Variants in GPR137B observed in about 807,000 individuals in gnomAD.
GPR137B encodes G protein-coupled receptor 137B, also known as integral membrane protein GPR137B.
Under a neutral mutation model 42.5 loss-of-function variants are expected in GPR137B, and 42 were observed. That is an observed-to-expected ratio of 0.99 (90% CI 0.77 to 1.28). The LOEUF (loss-of-function observed/expected upper bound fraction) is 1.28. GPR137B is among the 50% of genes most tolerant of loss of function. The pLI is 0.00. For synonymous variants in GPR137B, 218 were observed against 209.7 expected (o/e 1.04, Z -0.34); for missense variants, 487 against 493.9 (o/e 0.99, Z 0.13).
intron 6 of GPR137B, among the ~76,000 whole-genome samples, chr1:236,206,166 C>T (rs899653142): frequency 2.0e-5 from 3 of 152,178 alleles, no homozygotes; most frequent in African/African-American, 7.2e-5. Flanking sequence ...CTGTATCAGA[C>T]ACTGTTCTAA....
Position 236,155,819 on chromosome 1 carries a change from A to G in GPR137B, c.414+12783A>G, listed in dbSNP as rs1239741587. On this transcript the variant is annotated intron_variant, in intron 1 of 6. Transcript: ENST00000366592. The surrounding 1 kb of genome is among the most constrained non-coding windows in gnomAD (Gnocchi z 4.6). ...CAGTGAGTGGAGATGCCCTTTATCTATAAAGGTAAAGACTGTTATCCCATT... is the reference window on the plus strand; with the variant it reads ...CAGTGAGTGGAGATGCCCTTTATCTGTAAAGGTAAAGACTGTTATCCCATT... Among the ~76,000 whole-genome samples, 6 of 152,324 alleles carry G rather than the reference A, an allele frequency of 3.9e-5. No homozygotes were observed. The highest frequency in any genetic ancestry group is 4.1e-4 in the South Asian group (2 of 4,830).
intron 2 of GPR137B, among the ~76,000 whole-genome samples, chr1:236,169,145 C>G (rs1662449239): frequency 6.6e-6 from 1 of 151,838 alleles, no homozygotes; most frequent in South Asian, 2.1e-4. Flanking sequence ...GCTTCCCCTT[C>G]CCCATCCCGC....
At chr1:236,149,819 G>A (rs1473970951) in intron 1 of GPR137B, among the ~76,000 whole-genome samples, 1 of 152,282 alleles carries the variant, frequency 6.6e-6, no homozygotes, top group East Asian at 1.9e-4. Context: ...CTCATGGCCA[G>A]CCAGAGTTGT....
chr1:236,168,843 C>G (rs1168532517), intron 2 of GPR137B, 88 bp downstream of exon 2: 2 of 996,704 alleles, frequency 2.0e-6, no homozygotes, highest in South Asian at 2.6e-5. Context: ...TTGCACACAT[C>G]GCTGTTCTGT....
chr1:236,146,566 C>A (rs572618208), intron 1 of GPR137B, among the ~76,000 whole-genome samples: 71 of 152,294 alleles, frequency 4.7e-4, no homozygotes, highest in Non-Finnish European at 8.5e-4. Context: ...GGTACTGTTA[C>A]CCCCCAACTG....
intron 5 of GPR137B, among the ~76,000 whole-genome samples, chr1:236,198,065 A>G (rs1490415076): frequency 2.0e-5 from 3 of 152,030 alleles, no homozygotes; most frequent in African/African-American, 7.2e-5. Flanking sequence ...TTTGGTAACT[A>G]TAGCCTTGTA....
rs558391489 is a variant in GPR137B, at chr1:236,153,971, C to G, written c.414+10935C>G. Among the ~76,000 whole-genome samples the G allele has an allele frequency of 5.9e-5, 9 of 152,304 alleles. No homozygotes were observed. In the South Asian group the frequency reaches 1.7e-3, roughly 28 times the overall value. On this transcript the variant is annotated intron_variant, in intron 1 of 6. Transcript: ENST00000366592. ...GGGAACTTCTTGGTGGAAGTCGTCA[C>G]CTGTGACTTGGGCTGTTGGGTTTCC... is the stretch of plus-strand genomic sequence containing the variant.
chr1:236,190,148 C>CTTCGT (rs61093509), intron 5 of GPR137B, among the ~76,000 whole-genome samples: 1 of 119,400 alleles, frequency 8.4e-6, no homozygotes. Context: ...CCTGCTTCTT[C>CTTCGT]TTTTTTTTTT....
At chr1:236,179,722 G>A (rs1662809799) in intron 3 of GPR137B, among the ~76,000 whole-genome samples, 157 bp from the exon 4 acceptor site, 1 of 152,208 alleles carries the variant, frequency 6.6e-6, no homozygotes, top group Non-Finnish European at 1.5e-5. Context: ...ATTGTAGGAA[G>A]AAGGAGTGTG....
chr1:236,155,815 A>G lies in GPR137B; in HGVS notation c.414+12779A>G, dbSNP rs962163721. ...GGGACAGTGAGTGGAGATGCCCTTT[A>G]TCTATAAAGGTAAAGACTGTTATCC... On this transcript the variant is annotated intron_variant, in intron 1 of 6. Transcript: ENST00000366592. The surrounding 1 kb of genome is among the most constrained non-coding windows in gnomAD (Gnocchi z 4.6). Among the ~76,000 whole-genome samples the G allele has an allele frequency of 6.6e-6, 1 of 152,156 alleles. No homozygotes were observed. Among genetic ancestry groups the G allele is most frequent in the African/African-American group, 2.4e-5 (1 of 41,432 alleles).
rs1192059311 is a variant in GPR137B, at chr1:236,200,934, A to T, written c.967-4192A>T. Among the ~76,000 whole-genome samples, 2 of 150,734 alleles carry T rather than the reference A, an allele frequency of 1.3e-5. 1 individual carries two copies. The highest frequency in any genetic ancestry group is 4.9e-5 in the African/African-American group (2 of 40,692). On this transcript the variant is annotated intron_variant, in intron 5 of 6. Transcript: ENST00000366592. The stretch of plus-strand genomic sequence containing the variant: ...TTCATTGTTTTATAGGCCTGGTGAG[A>T]TTTATGCTTTAAGGAGGTTCTATTC...
At chr1:236,204,779 A>T (rs990044116) in intron 5 of GPR137B, among the ~76,000 whole-genome samples, 1 of 152,164 alleles carries the variant, frequency 6.6e-6, no homozygotes, top group African/African-American at 2.4e-5. Flanking sequence ...TTTCCGGTTT[A>T]GTCTTAGTAG....
chr1:236,167,134 T>C (rs1662383547), intron 1 of GPR137B, among the ~76,000 whole-genome samples: 1 of 152,148 alleles, frequency 6.6e-6, no homozygotes, highest in Non-Finnish European at 1.5e-5. Context: ...GAAGTATAAT[T>C]GACAAAGACG....
At position 236,188,086 on chromosome 1, in the gene GPR137B, G is replaced by A. The variant is rs1343353762; in HGVS notation, c.966+4180G>A. On this transcript the variant is annotated intron_variant, in intron 5 of 6. Coordinates refer to ENST00000366592, the MANE Select transcript of GPR137B (RefSeq NM_003272.4). ...TATTCCTAGGTATTTTCTTCTTTTA[G>A]TAGCAGTTGTGAATGGGAGTTCACT... Among the ~76,000 whole-genome samples the A allele has an allele frequency of 5.9e-5, 9 of 152,076 alleles. No homozygotes were observed. The South Asian group carries it at 1.9e-3, about 32-fold the overall frequency.
At chr1:236,149,995 A>G (rs555333261) in intron 1 of GPR137B, among the ~76,000 whole-genome samples, 2 of 146,036 alleles carry the variant, frequency 1.4e-5, no homozygotes, top group African/African-American at 5.1e-5. Context: ...GGGTTTGTGT[A>G]TGTGTGCCTG....
At chr1:236,198,295 C>T (rs942510798) in intron 5 of GPR137B, among the ~76,000 whole-genome samples, 4 of 152,060 alleles carry the variant, frequency 2.6e-5, no homozygotes, top group East Asian at 1.9e-4. Context: ...ATCTGTGCCT[C>T]CCAGGTTCAA....
intron 5 of GPR137B, among the ~76,000 whole-genome samples, chr1:236,194,107 G>C (rs979082226): frequency 6.6e-6 from 1 of 152,156 alleles, no homozygotes; most frequent in African/African-American, 2.4e-5. Flanking sequence ...AAGATGTATA[G>C]AGCAGTGAGG....
intron 4 of GPR137B, among the ~76,000 whole-genome samples, chr1:236,182,881 A>G (rs1487715577): frequency 6.6e-6 from 1 of 152,190 alleles, no homozygotes; most frequent in East Asian, 1.9e-4. Flanking sequence ...AGCAAGCAAA[A>G]CAAATGACCA....
chr1:236,198,038 T>C (rs12084436), intron 5 of GPR137B, among the ~76,000 whole-genome samples: 3,724 of 152,204 alleles, frequency 0.024, 151 homozygotes, highest in African/African-American at 0.079. Context: ...CCTATTCTTA[T>C]ACGAGTACTA....
Sources: allele counts gnomAD v4.1 joint callset (sites outside exome capture counted in the v4.1 genomes callset), GRCh38; gene constraint gnomAD v4.1.1; non-coding constraint Gnocchi (gnomAD v3.1); transcripts MANE v1.5; gene names NCBI Gene and HGNC (gene_info 2026-07-23, HGNC 2026-07-21).